The following CDH13 variants were observed in gnomAD, a reference collection of about 807,000 sequenced individuals.
The protein encoded by CDH13 is cadherin-13.
A neutral mutation model predicts 63.8 loss-of-function variants in CDH13; 24 were observed. The ratio of observed to expected loss-of-function variants is 0.38; its 90% CI spans 0.27 to 0.53. The LOEUF (loss-of-function observed/expected upper bound fraction) is 0.53, where lower values mean the gene tolerates loss of function less well. Ranked by LOEUF, CDH13 falls within the 20% of genes least tolerant of loss-of-function variation. CDH13 has a pLI of 0.85. For synonymous variants in CDH13, 503 were observed against 355.3 expected (o/e 1.42, Z -4.67); for missense variants, 1,049 against 903.1 (o/e 1.16, Z -2.07).
intron 10 of CDH13, among the ~76,000 whole-genome samples, chr16:83,705,583 C>G (rs2150915045): frequency 6.6e-6 from 1 of 152,270 alleles, no homozygotes; most frequent in South Asian, 2.1e-4. Flanking sequence ...GATCACGCCA[C>G]TGCACTCCAG....
At chr16:83,260,063 A>C (rs1292523939) in intron 5 of CDH13, among the ~76,000 whole-genome samples, 1 of 57,374 alleles carries the variant, frequency 1.7e-5, no homozygotes, top group Non-Finnish European at 3.5e-5. Context: ...ACAGTATATA[A>C]TAGTTTTTTT....
At chr16:83,505,527 A>C (rs915633506) in intron 7 of CDH13, among the ~76,000 whole-genome samples, 1 of 136,092 alleles carries the variant, frequency 7.3e-6, no homozygotes, top group Non-Finnish European at 1.5e-5. Flanking sequence ...GTTTGTGATT[A>C]ATCCTTTTTT....
intron 6 of CDH13, among the ~76,000 whole-genome samples, chr16:83,378,337 C>G (rs533863726): frequency 1.3e-5 from 2 of 152,302 alleles, no homozygotes; most frequent in Admixed American, 1.3e-4. Flanking sequence ...ATGTGGCCTC[C>G]TGTTCAGCGG....
chr16:83,443,739 T>A (rs1237823314), intron 6 of CDH13, among the ~76,000 whole-genome samples: 8 of 37,384 alleles, frequency 2.1e-4, no homozygotes, highest in African/African-American at 1.2e-3. Flanking sequence ...AAAAAAAATA[T>A]ATATATATAT....
chr16:83,438,762 AT>A (rs559795911), intron 6 of CDH13, among the ~76,000 whole-genome samples: 183 of 152,324 alleles, frequency 1.2e-3, no homozygotes, highest in African/African-American at 4.2e-3. Context: ...GTCTGACAAT[AT>A]TTCTTCTGAT....
chr16:82,629,446 C>T (rs1056277080), intron 1 of CDH13, among the ~76,000 whole-genome samples: 4 of 152,190 alleles, frequency 2.6e-5, no homozygotes, highest in African/African-American at 7.2e-5. Context: ...AAGAAGTTCA[C>T]GTGCAGAACT....
chr16:83,087,671 C>CAAAAAAAAAAAAAAAAA (rs67228844), intron 3 of CDH13, among the ~76,000 whole-genome samples: 4 of 43,998 alleles, frequency 9.1e-5, no homozygotes, highest in Admixed American at 4.3e-4. Context: ...CCCTCCGTCT[C>CAAAAAAAAAAAAAAAAA]AAAAAAAAAA....
intron 5 of CDH13, among the ~76,000 whole-genome samples, chr16:83,287,955 A>C (rs1471383684): frequency 2.0e-5 from 3 of 152,146 alleles, no homozygotes; most frequent in African/African-American, 7.2e-5. Flanking sequence ...ATCCATAATG[A>C]GCAAAATATG....
At chr16:82,894,121 T>G (rs2041170946) in intron 2 of CDH13, among the ~76,000 whole-genome samples, 1 of 152,196 alleles carries the variant, frequency 6.6e-6, no homozygotes, top group South Asian at 2.1e-4. Flanking sequence ...ATCCGTTCCT[T>G]CATTCAATGA....
At chr16:82,997,827 T>G (rs374427719) in intron 2 of CDH13, among the ~76,000 whole-genome samples, 1 of 152,204 alleles carries the variant, frequency 6.6e-6, no homozygotes, top group Non-Finnish European at 1.5e-5. Flanking sequence ...TATTTTTAAA[T>G]GGTAGGGAGT....
At chr16:82,672,999 C>A (rs74735016) in intron 1 of CDH13, among the ~76,000 whole-genome samples, 1 of 81,268 alleles carries the variant, frequency 1.2e-5, no homozygotes, top group Non-Finnish European at 2.1e-5. Flanking sequence ...ATAAAGTTTT[C>A]TTTTTTTTTT....
chr16:82,725,152 A>C (rs889966795), intron 1 of CDH13, among the ~76,000 whole-genome samples: 1 of 152,088 alleles, frequency 6.6e-6, no homozygotes. Context: ...GGTGATGATG[A>C]CAGTTGTGCT....
At chr16:82,941,831 C>G (rs995048198) in intron 2 of CDH13, among the ~76,000 whole-genome samples, 1 of 152,156 alleles carries the variant, frequency 6.6e-6, no homozygotes, top group Admixed American at 6.6e-5. Context: ...GAGTTCCAGT[C>G]TCAAGCACTT....
At chr16:83,094,670 G>A (rs942606814) in intron 3 of CDH13, among the ~76,000 whole-genome samples, 1 of 152,126 alleles carries the variant, frequency 6.6e-6, no homozygotes, top group Non-Finnish European at 1.5e-5. Context: ...TCCAAATAAA[G>A]GGATCTGAGC....
intron 8 of CDH13, among the ~76,000 whole-genome samples, chr16:83,667,080 A>T (rs1914045639): frequency 6.8e-6 from 1 of 146,106 alleles, no homozygotes; most frequent in Admixed American, 6.9e-5. Flanking sequence ...AAGGATGGAT[A>T]GATGGATGAT....
At chr16:82,717,651 A>G (rs1337202005) in intron 1 of CDH13, among the ~76,000 whole-genome samples, 1 of 152,168 alleles carries the variant, frequency 6.6e-6, no homozygotes, top group Non-Finnish European at 1.5e-5. Context: ...TTTTGTGTCC[A>G]ATATTCCTCT....
chr16:83,172,341 T>C (rs543169970), intron 4 of CDH13, among the ~76,000 whole-genome samples: 79 of 151,868 alleles, frequency 5.2e-4, no homozygotes, highest in Non-Finnish European at 1.0e-3. Context: ...ATATGAAAAA[T>C]TTAGCCAGGC....
intron 6 of CDH13, among the ~76,000 whole-genome samples, chr16:83,470,687 C>T (rs2073431180): frequency 6.6e-6 from 1 of 152,200 alleles, no homozygotes; most frequent in Non-Finnish European, 1.5e-5. Context: ...ACCACAACCA[C>T]AGGCTCAGCA....
intron 7 of CDH13, among the ~76,000 whole-genome samples, chr16:83,508,066 AG>A (rs1555563665): frequency 2.1e-5 from 1 of 46,824 alleles, no homozygotes; most frequent in Non-Finnish European, 4.4e-5. Flanking sequence ...GAAGGAAGGA[AG>A]GAAGGAAGGA....
Sources: allele counts gnomAD v4.1 joint callset (sites outside exome capture counted in the v4.1 genomes callset), GRCh38; gene constraint gnomAD v4.1.1; transcripts MANE v1.5; gene names NCBI Gene and HGNC (gene_info 2026-07-23, HGNC 2026-07-21).